SWAP70: variants seen among roughly 807,000 people sequenced by gnomAD.
The protein encoded by SWAP70 is switch-associated protein 70.
A neutral mutation model predicts 80.2 loss-of-function variants in SWAP70; 34 were observed. That is an observed-to-expected ratio of 0.42 (90% CI 0.32 to 0.56). SWAP70 has a LOEUF of 0.56. SWAP70 is among the 20% of genes least tolerant of loss of function. The pLI is 0.09. For synonymous variants in SWAP70, 239 were observed against 238.5 expected (o/e 1.00, Z -0.02); for missense variants, 578 against 690.7 (o/e 0.84, Z 1.83).
intron 2 of SWAP70, among the ~76,000 whole-genome samples, chr11:9,699,866 G>GTATATATA (rs113413903): frequency 1.3e-3 from 193 of 144,130 alleles, no homozygotes; most frequent in African/African-American, 3.2e-3. Flanking sequence ...TGTATAGTGT[G>GTATATATA]TATATATATA....
intron 2 of SWAP70, among the ~76,000 whole-genome samples, chr11:9,696,661 T>A (rs958155922): frequency 5.9e-5 from 9 of 152,224 alleles, no homozygotes; most frequent in Admixed American, 4.6e-4. Context: ...CTTATTTTTT[T>A]AATTGAACAA....
Position 9,750,094 on chromosome 11 carries a change from T to C in SWAP70, c.*124T>C, listed in dbSNP as rs935853542. 7 of 589,936 alleles carry C rather than the reference T, an allele frequency of 1.2e-5. No homozygotes were observed. The highest frequency in any genetic ancestry group is 1.9e-5 in the African/African-American group (1 of 53,294). 36.5% of individuals were successfully genotyped at this position (589,936 alleles called of 1,614,324 possible). A position where few individuals can be genotyped will look rare whatever the true frequency, so the allele number is the denominator to read the frequency against. Reference sequence around the variant, plus strand: ...GGCTCACGCCTGTAATCCCAGCACTTTGGGAGGCCGAGGCGGGTGGATCAC... The same window carrying C: ...GGCTCACGCCTGTAATCCCAGCACTCTGGGAGGCCGAGGCGGGTGGATCAC... On this transcript the variant is annotated 3_prime_UTR_variant, in exon 12 of 12. Coordinates refer to ENST00000318950, the MANE Select transcript of SWAP70 (RefSeq NM_015055.4).
At chr11:9,703,657 G>A (rs2645022) in intron 2 of SWAP70, among the ~76,000 whole-genome samples, 15,519 of 152,114 alleles carry the variant, frequency 0.1, 1,532 homozygotes, top group African/African-American at 0.25. Context: ...ATTGTTTGGT[G>A]TCTGATTCCC....
chr11:9,711,331 C>T (rs1454560124), intron 2 of SWAP70, among the ~76,000 whole-genome samples: 1 of 152,176 alleles, frequency 6.6e-6, no homozygotes, highest in Non-Finnish European at 1.5e-5. Flanking sequence ...AATGATCAGT[C>T]TTCACCTACC....
rs1031725711 is a variant in SWAP70 at position 9,706,394 on chromosome 11, T to C, written c.241-7072T>C. ...TACATTGATCAGCACTTGTTTTTTT[T>C]CCCCCCATTTTGTCTTTTTGTTTAT... is the stretch of plus-strand genomic sequence containing the variant. On this transcript the variant is annotated intron_variant, in intron 2 of 11. Transcript: ENST00000318950. Among the ~76,000 whole-genome samples, 72 of 152,106 alleles carry C rather than the reference T, an allele frequency of 4.7e-4. 1 individual carries two copies. The highest frequency in any genetic ancestry group is 1.9e-4 in the African/African-American group (8 of 41,404).
At chr11:9,720,534 C>T in intron 3 of SWAP70, 1 of 966,890 alleles carries the variant, frequency 1.0e-6, no homozygotes, top group Non-Finnish European at 1.2e-6. Context: ...AGGACATGGT[C>T]ATTCGGCTCT....
At chr11:9,720,996 A>G (rs1851127487) in intron 3 of SWAP70, among the ~76,000 whole-genome samples, 1 of 152,052 alleles carries the variant, frequency 6.6e-6, no homozygotes, top group Non-Finnish European at 1.5e-5. Flanking sequence ...TTGTATTTTT[A>G]GTAGAGATGG....
chr11:9,728,357 A>G (rs928012161), intron 5 of SWAP70, among the ~76,000 whole-genome samples, 158 bp downstream of exon 5: 3 of 152,196 alleles, frequency 2.0e-5, no homozygotes, highest in African/African-American at 7.2e-5. Flanking sequence ...TGGTTTCTGA[A>G]CCAAAAATTA....
rs1416646446 is a variant in SWAP70 at position 9,712,447 on chromosome 11, A to T, written c.241-1019A>T. 2.6e-5 allele frequency among the ~76,000 whole-genome samples: 4 copies of T among 152,154 alleles called. No individual in the cohort carries two copies. In the South Asian group the frequency reaches 8.3e-4, roughly 32 times the overall value. On this transcript the variant is annotated intron_variant, in intron 2 of 11. Transcript: ENST00000318950. ...ATAGGATATAAAAGTGCCTCCCAGC[A>T]CTGTGGGAGGCTGATGCAAGAGAAC... is the stretch of plus-strand genomic sequence containing the variant.
chr11:9,692,816 A>G (rs938073072), intron 1 of SWAP70, among the ~76,000 whole-genome samples: 1 of 152,264 alleles, frequency 6.6e-6, no homozygotes, highest in East Asian at 1.9e-4. Flanking sequence ...TACTCTTTTC[A>G]TGTGCTTTAC....
intron 2 of SWAP70, among the ~76,000 whole-genome samples, chr11:9,701,196 A>G (rs746707774): frequency 1.3e-5 from 2 of 150,756 alleles, no homozygotes; most frequent in Admixed American, 1.3e-4. Context: ...TTTTGAGACA[A>G]GTCTTACTCT....
At chr11:9,717,636 G>C (rs1188082261) in intron 3 of SWAP70, among the ~76,000 whole-genome samples, 5 of 148,160 alleles carry the variant, frequency 3.4e-5, no homozygotes, top group Non-Finnish European at 7.4e-5. Context: ...TTGTAGCCTG[G>C]GAGATAGAGC....
intron 2 of SWAP70, among the ~76,000 whole-genome samples, chr11:9,709,791 C>G (rs916557366): frequency 2.0e-5 from 3 of 152,102 alleles, no homozygotes; most frequent in African/African-American, 7.2e-5. Context: ...GCCTGGCTTC[C>G]AAGGTTAGCT....
At chr11:9,683,718 C>T (rs1850596595) in intron 1 of SWAP70, among the ~76,000 whole-genome samples, 1 of 152,202 alleles carries the variant, frequency 6.6e-6, no homozygotes, top group South Asian at 2.1e-4. Context: ...CCTTATGGGA[C>T]TCCCACATTG....
intron 9 of SWAP70, among the ~76,000 whole-genome samples, chr11:9,743,964 AT>A (rs71034739): frequency 0.011 from 1,647 of 146,600 alleles, 27 homozygotes; most frequent in African/African-American, 0.027. Context: ...AGATCTTGTA[AT>A]TTTTTTTTTT....
At chr11:9,747,450 T>C (rs541240658) in intron 9 of SWAP70, among the ~76,000 whole-genome samples, 1 of 152,358 alleles carries the variant, frequency 6.6e-6, no homozygotes, top group Admixed American at 6.5e-5. Flanking sequence ...CTTCAAATCT[T>C]GGCCCTGCCA....
chr11:9,672,975 A>T (rs1850438342), intron 1 of SWAP70, among the ~76,000 whole-genome samples: 1 of 152,160 alleles, frequency 6.6e-6, no homozygotes. Context: ...ATAACAATCA[A>T]CACAGAAGAT....
At chr11:9,744,059 T>G (rs1851478565) in intron 9 of SWAP70, among the ~76,000 whole-genome samples, 1 of 151,014 alleles carries the variant, frequency 6.6e-6, no homozygotes, top group Admixed American at 6.6e-5. Flanking sequence ...GCCTCCCAGG[T>G]TCAAGCCATT....
intron 3 of SWAP70, among the ~76,000 whole-genome samples, chr11:9,723,620 TAG>T (rs1182047502): frequency 1.3e-5 from 2 of 152,130 alleles, no homozygotes; most frequent in African/African-American, 4.8e-5. Context: ...ATTTGGAAAG[TAG>T]AGAGGATTCA....
Sources: allele counts gnomAD v4.1 joint callset (sites outside exome capture counted in the v4.1 genomes callset), GRCh38; gene constraint gnomAD v4.1.1; transcripts MANE v1.5; gene names NCBI Gene and HGNC (gene_info 2026-07-23, HGNC 2026-07-21).